KIRREL3: variants seen among roughly 807,000 people sequenced by gnomAD.
The protein encoded by KIRREL3 is kirre like nephrin family adhesion molecule 3.
Under a neutral mutation model 89.7 loss-of-function variants are expected in KIRREL3, and 36 were observed. The observed-to-expected ratio is 0.40, with a 90% CI of 0.31 to 0.53. The LOEUF is 0.53. Ranked by LOEUF, KIRREL3 falls within the 20% of genes least tolerant of loss-of-function variation. The pLI is 0.49. For missense variants in KIRREL3, 864 were observed against 1,056.6 expected (o/e 0.82, Z 2.53); for synonymous variants, 445 against 441.4 (o/e 1.01, Z -0.10).
chr11:126,580,719 G>T (rs56335978), intron 1 of KIRREL3, among the ~76,000 whole-genome samples: 31,272 of 152,022 alleles, frequency 0.21, 4,032 homozygotes, highest in South Asian at 0.4. Flanking sequence ...GGCCAGGACT[G>T]CTCTGCCCTG....
rs188240805 is a variant in KIRREL3, at chr11:126,769,132, G to A, written c.56-206220C>T. Among the ~76,000 whole-genome samples, 1 of 152,240 alleles carries A rather than the reference G, an allele frequency of 6.6e-6. No homozygotes were observed. Among genetic ancestry groups the A allele is most frequent in the Admixed American group, 6.5e-5 (1 of 15,298 alleles). On this transcript the variant is annotated intron_variant, in intron 1 of 16. Transcript: ENST00000525144. The surrounding 1 kb of genome is among the most constrained non-coding windows in gnomAD (Gnocchi z 4.3). ...AGTCAGGTATCTCTTCCTCTGTGAG[G>A]CTTCCCCTCTTCCCACAGGTCCCAT...
At position 126,530,781 on chromosome 11, in the gene KIRREL3, G is replaced by A. The variant is rs893752427; in HGVS notation, c.134-4094C>T. Reference sequence around the variant, plus strand: ...CATTTTCCCTGATGATGTTCCCCTGGTGTGAAGCCTTGGCGGCCGGTGCAA... The same window carrying A: ...CATTTTCCCTGATGATGTTCCCCTGATGTGAAGCCTTGGCGGCCGGTGCAA... On this transcript the variant is annotated intron_variant, in intron 2 of 16. Transcript: ENST00000525144. This position sits in a 1 kb window ranked among gnomAD's most constrained non-coding sequence, Gnocchi z 5.8. Among the ~76,000 whole-genome samples, 2 of 152,118 alleles carry A rather than the reference G, an allele frequency of 1.3e-5. No homozygotes were observed. Among genetic ancestry groups the A allele is most frequent in the African/African-American group, 4.8e-5 (2 of 41,424 alleles).
In KIRREL3 at chr11:126,578,997, C is replaced by A. The variant is rs922296375; in HGVS notation, c.56-16085G>T. Among the ~76,000 whole-genome samples the A allele has an allele frequency of 6.6e-6, 1 of 152,184 alleles. No individual in the cohort carries two copies. The highest frequency in any genetic ancestry group is 1.5e-5 in the Non-Finnish European group (1 of 68,046). Reference sequence around the variant, plus strand: ...ACTGAGGACCAGCAAGGCGAGACAACTGTTTGAGGCCACACAGCAACAGAA... The same window carrying A: ...ACTGAGGACCAGCAAGGCGAGACAAATGTTTGAGGCCACACAGCAACAGAA... On this transcript the variant is annotated intron_variant, in intron 1 of 16. Transcript: ENST00000525144. The surrounding 1 kb of genome is among the most constrained non-coding windows in gnomAD (Gnocchi z 4.9).
At chr11:126,632,421 CA>C (rs1944069049) in intron 1 of KIRREL3, among the ~76,000 whole-genome samples, 1 of 152,208 alleles carries the variant, frequency 6.6e-6, no homozygotes, top group Non-Finnish European at 1.5e-5. Context: ...AAAATGTCCA[CA>C]CATGAGATTA....
intron 1 of KIRREL3, among the ~76,000 whole-genome samples, chr11:126,732,733 G>A (rs893022930): frequency 3.9e-5 from 6 of 152,342 alleles, no homozygotes; most frequent in Non-Finnish European, 5.9e-5. Context: ...AGGTAACCTC[G>A]TAATGCTGAG....
At chr11:126,630,459 C>A (rs1943971949) in intron 1 of KIRREL3, among the ~76,000 whole-genome samples, 1 of 147,050 alleles carries the variant, frequency 6.8e-6, no homozygotes, top group Non-Finnish European at 1.5e-5. Context: ...GTTCCTTGCC[C>A]CTTTTGCTAT....
intron 1 of KIRREL3, among the ~76,000 whole-genome samples, chr11:126,692,074 T>G (rs901533035): frequency 2.6e-5 from 4 of 152,142 alleles, no homozygotes; most frequent in African/African-American, 7.2e-5. Context: ...GTTGGTGGTG[T>G]TGTAAAATGG....
Position 126,523,608 on chromosome 11 carries a change from C to T in KIRREL3, c.284-2144G>A, listed in dbSNP as rs1312794851. ...AGCACTGCCTCTCCTCCTGCCCACA[C>T]TTCCCGCCTTCTGCTGGGCTTTGGG... is the stretch of plus-strand genomic sequence containing the variant. On this transcript the variant is annotated intron_variant, in intron 3 of 16. Transcript: ENST00000525144. This position sits in a 1 kb window ranked among gnomAD's most constrained non-coding sequence, Gnocchi z 4.9. Among the ~76,000 whole-genome samples the T allele has an allele frequency of 6.6e-6, 1 of 152,140 alleles. No individual in the cohort carries two copies. The highest frequency in any genetic ancestry group is 1.5e-5 in the Non-Finnish European group (1 of 68,012).
At chr11:126,822,680 G>A (rs942997480) in intron 1 of KIRREL3, among the ~76,000 whole-genome samples, 65 of 152,242 alleles carry the variant, frequency 4.3e-4, no homozygotes, top group African/African-American at 1.5e-3. Flanking sequence ...TCTGCTCCAT[G>A]TGGCATCCAC....
chr11:126,704,214 A>G lies in KIRREL3; in HGVS notation c.56-141302T>C, dbSNP rs1947426797. Among the ~76,000 whole-genome samples the G allele has an allele frequency of 6.6e-6, 1 of 152,198 alleles. No individual in the cohort carries two copies. The highest frequency in any genetic ancestry group is 6.5e-5 in the Admixed American group (1 of 15,274). ...CCATCCAGCTGAGCAACATGTATTT[A>G]CACAGCACACACATTTGCATCATAT... On this transcript the variant is annotated intron_variant, in intron 1 of 16. Transcript: ENST00000525144. This position sits in a 1 kb window ranked among gnomAD's most constrained non-coding sequence, Gnocchi z 4.2.
chr11:126,923,175 TCTC>T (rs1947456362), intron 1 of KIRREL3, among the ~76,000 whole-genome samples: 1 of 7,796 alleles, frequency 1.3e-4, no homozygotes, highest in African/African-American at 7.9e-4. Context: ...TTCTTCTTCT[TCTC>T]TTCTTCTTCT....
rs993695860 is a variant in KIRREL3, at chr11:126,703,738, C to A, written c.56-140826G>T. Among the ~76,000 whole-genome samples the A allele has an allele frequency of 6.6e-6, 1 of 152,182 alleles. No individual in the cohort carries two copies. The highest frequency in any genetic ancestry group is 2.4e-5 in the African/African-American group (1 of 41,436). ...CTCTGACTGCCTGGGCCAGTGTTTC[C>A]GTGCCAGAAACCCTGTCTCAGAGGG... On this transcript the variant is annotated intron_variant, in intron 1 of 16. Transcript: ENST00000525144. The surrounding 1 kb of genome is among the most constrained non-coding windows in gnomAD (Gnocchi z 4.6).
chr11:126,493,496 A>C (rs1957576072), intron 4 of KIRREL3, among the ~76,000 whole-genome samples: 1 of 151,982 alleles, frequency 6.6e-6, no homozygotes. Context: ...TCTACTAAAA[A>C]TACAAAAAAC....
intron 1 of KIRREL3, among the ~76,000 whole-genome samples, chr11:126,649,170 C>G (rs955449647): frequency 4.6e-5 from 7 of 152,210 alleles, no homozygotes; most frequent in African/African-American, 1.7e-4. Flanking sequence ...TTAAAATTAT[C>G]TCCTATTGGG....
At chr11:126,821,621 T>C (rs1943230433) in intron 1 of KIRREL3, among the ~76,000 whole-genome samples, 1 of 151,978 alleles carries the variant, frequency 6.6e-6, no homozygotes, top group Non-Finnish European at 1.5e-5. Flanking sequence ...GAATGTGTTA[T>C]GTTACATGGC....
chr11:126,827,572 C>T (rs1031931299), intron 1 of KIRREL3, among the ~76,000 whole-genome samples: 4 of 152,126 alleles, frequency 2.6e-5, no homozygotes, highest in Non-Finnish European at 4.4e-5. Flanking sequence ...CAGTAATGCA[C>T]TTTCGAGGAT....
rs936415347 is a variant in KIRREL3, at chr11:126,578,295, C to A, written c.56-15383G>T. 2.6e-5 allele frequency among the ~76,000 whole-genome samples: 4 copies of A among 152,188 alleles called. No homozygotes were observed. Among genetic ancestry groups the A allele is most frequent in the South Asian group, 2.1e-4 (1 of 4,834 alleles). On this transcript the variant is annotated intron_variant, in intron 1 of 16. Transcript: ENST00000525144. This position sits in a 1 kb window ranked among gnomAD's most constrained non-coding sequence, Gnocchi z 4.9. Reference sequence around the variant, plus strand: ...CTCCCCTCCAGCTTCTCTGCAAATGCAAGACTCTGGCTTCATTCCCTGGTC... The same window carrying A: ...CTCCCCTCCAGCTTCTCTGCAAATGAAAGACTCTGGCTTCATTCCCTGGTC...
rs1242294168 is a variant in KIRREL3 at position 126,454,418 on chromosome 11, T to C, written c.848+1931A>G. Among the ~76,000 whole-genome samples the C allele has an allele frequency of 2.0e-5, 3 of 152,076 alleles. No homozygotes were observed. In the East Asian group the frequency reaches 5.8e-4, roughly 29 times the overall value. On this transcript the variant is annotated intron_variant, in intron 7 of 16. Transcript: ENST00000525144. This position sits in a 1 kb window ranked among gnomAD's most constrained non-coding sequence, Gnocchi z 5.8. ...AACGAAAGTCGAAAGTTGTGTGTCCTGGTCTCTGGGGCGCCCAACAGGCAT... is the reference window on the plus strand; with the variant it reads ...AACGAAAGTCGAAAGTTGTGTGTCCCGGTCTCTGGGGCGCCCAACAGGCAT...
intron 1 of KIRREL3, among the ~76,000 whole-genome samples, chr11:126,803,728 C>T (rs752350779): frequency 9.9e-5 from 15 of 152,050 alleles, no homozygotes; most frequent in African/African-American, 2.4e-4. Flanking sequence ...GTCCCCACAC[C>T]GCCACCCCCA....
Sources: allele counts gnomAD v4.1 joint callset (sites outside exome capture counted in the v4.1 genomes callset), GRCh38; gene constraint gnomAD v4.1.1; non-coding constraint Gnocchi (gnomAD v3.1); transcripts MANE v1.5; gene names NCBI Gene and HGNC (gene_info 2026-07-23, HGNC 2026-07-21).